Variants in NAALADL2 observed in about 807,000 individuals in gnomAD.
NAALADL2 encodes N-acetylated alpha-linked acidic dipeptidase like 2.
In NAALADL2, 76 loss-of-function variants were observed where a neutral mutation model predicts 87.2. That is an observed-to-expected ratio of 0.87 (90% CI 0.72 to 1.05). The LOEUF (loss-of-function observed/expected upper bound fraction) is 1.05. NAALADL2 is among the 50% of genes least tolerant of loss of function. The pLI, the probability that NAALADL2 is intolerant of heterozygous loss-of-function variation, is 0.00. For missense variants in NAALADL2, 1,089 were observed against 945.8 expected, an observed-to-expected ratio of 1.15 and a Z score of -1.99; for synonymous variants, 354 against 331.0, an observed-to-expected ratio of 1.07 and a Z score of -0.75.
intron 10 of NAALADL2, among the ~76,000 whole-genome samples, chr3:175,598,595 A>G (rs1582565482): frequency 6.6e-6 from 1 of 152,254 alleles, no homozygotes; most frequent in East Asian, 1.9e-4. Context: ...TAAGTGACAG[A>G]TCTGGGATAA....
chr3:175,262,991 A>G (rs954421588), intron 4 of NAALADL2, among the ~76,000 whole-genome samples: 23 of 132,004 alleles, frequency 1.7e-4, no homozygotes, highest in Non-Finnish European at 3.1e-4. Flanking sequence ...AATTCTCAGA[A>G]GTAATTGCAA....
chr3:175,530,260 A>C (rs766129549), intron 9 of NAALADL2, among the ~76,000 whole-genome samples: 1 of 152,210 alleles, frequency 6.6e-6, no homozygotes, highest in Admixed American at 6.5e-5. Flanking sequence ...GGATACAAAT[A>C]TCTTCACAGC....
chr3:175,362,688 G>T (rs1288208025), intron 5 of NAALADL2, among the ~76,000 whole-genome samples: 2 of 148,016 alleles, frequency 1.4e-5, no homozygotes, highest in Non-Finnish European at 3.0e-5. Flanking sequence ...TTTCCTATGG[G>T]TAGATACCCA....
intron 2 of NAALADL2, among the ~76,000 whole-genome samples, chr3:174,725,345 TTC>T (rs3041125): frequency 0.16 from 24,167 of 152,096 alleles, 2,343 homozygotes; most frequent in African/African-American, 0.27. Flanking sequence ...AATTATTTAA[TTC>T]TGTTTTAATT....
rs193106414 is a variant in NAALADL2, at chr3:175,482,678, C to G, written c.1653+10920C>G. Among the ~76,000 whole-genome samples the G allele has an allele frequency of 4.2e-3, 639 of 151,908 alleles. 3 individuals are homozygous for G. The highest frequency in any genetic ancestry group is 7.1e-3 in the Non-Finnish European group (485 of 67,872). The stretch of plus-strand genomic sequence containing the variant: ...AATTCATGTCTATGTTTTCTCTAAC[C>G]TACTAATTTTGTTGAGATTATCTCT... On this transcript the variant is annotated intron_variant, in intron 9 of 13. Coordinates refer to ENST00000454872, the MANE Select transcript of NAALADL2 (RefSeq NM_207015.3).
At chr3:174,988,861 T>C (rs1746333629) in intron 1 of NAALADL2, among the ~76,000 whole-genome samples, 1 of 152,192 alleles carries the variant, frequency 6.6e-6, no homozygotes, top group South Asian at 2.1e-4. Context: ...GCTTAGTCCA[T>C]TTGTGTTGCT....
At chr3:174,585,487 T>C (rs1473271849) in intron 2 of NAALADL2, among the ~76,000 whole-genome samples, 3 of 152,292 alleles carry the variant, frequency 2.0e-5, no homozygotes, top group South Asian at 2.1e-4. Context: ...CTGTAAGATA[T>C]CAAGGTTCAG....
intron 9 of NAALADL2, among the ~76,000 whole-genome samples, chr3:175,489,598 A>G (rs1438378017): frequency 6.6e-6 from 1 of 152,218 alleles, no homozygotes; most frequent in Admixed American, 6.5e-5. Flanking sequence ...ATGTCATAAG[A>G]AAGTAAAACT....
At chr3:175,597,957 T>C (rs1582562893) in intron 10 of NAALADL2, among the ~76,000 whole-genome samples, 1 of 152,030 alleles carries the variant, frequency 6.6e-6, no homozygotes, top group Admixed American at 6.6e-5. Context: ...ATTATCTCTA[T>C]TCTCTCCCTA....
chr3:174,895,288 G>T (rs1731371333), intron 1 of NAALADL2, among the ~76,000 whole-genome samples: 1 of 150,480 alleles, frequency 6.6e-6, no homozygotes, highest in African/African-American at 2.4e-5. Context: ...ATTTTAGCCA[G>T]ATTAAGAAAA....
rs1423709463 is a variant in NAALADL2 at position 174,504,227 on chromosome 3, A to G, written c.-183-46342A>G. Reference sequence around the variant, plus strand: ...TATTGTGAAGGCATCATAATATTCTATGGTAAAATAATATATAAATTTTTA... The same window carrying G: ...TATTGTGAAGGCATCATAATATTCTGTGGTAAAATAATATATAAATTTTTA... On this transcript the variant is annotated intron_variant, in intron 1 of 3. Transcript: ENST00000434257. Among the ~76,000 whole-genome samples the G allele has an allele frequency of 4.6e-5, 7 of 152,282 alleles. No individual in the cohort carries two copies. The East Asian group carries it at 1.3e-3, about 29-fold the overall frequency.
At chr3:174,849,790 C>T (rs34933378) in intron 3 of NAALADL2, among the ~76,000 whole-genome samples, 29,797 of 148,724 alleles carry the variant, frequency 0.2, 3,205 homozygotes, top group East Asian at 0.44. Flanking sequence ...CCTAGGCCTA[C>T]GCAGGGTTAG....
intron 4 of NAALADL2, among the ~76,000 whole-genome samples, chr3:175,314,128 G>C (rs1758738725): frequency 1.3e-5 from 2 of 149,384 alleles, no homozygotes; most frequent in African/African-American, 4.9e-5. Context: ...TACCTTCTCT[G>C]GCATTAATTT....
chr3:175,319,372 G>A (rs1402664099), intron 4 of NAALADL2, among the ~76,000 whole-genome samples: 1 of 152,094 alleles, frequency 6.6e-6, no homozygotes, highest in Non-Finnish European at 1.5e-5. Context: ...ATTTTTAAAG[G>A]ACTAGAAAAA....
chr3:175,726,809 A>G (rs1014940611), intron 11 of NAALADL2, among the ~76,000 whole-genome samples: 3 of 152,150 alleles, frequency 2.0e-5, no homozygotes, highest in African/African-American at 7.2e-5. Flanking sequence ...CCGAGAAACT[A>G]GAGAGGAAAT....
At chr3:175,362,479 T>A (rs114263828) in intron 5 of NAALADL2, among the ~76,000 whole-genome samples, 17,847 of 147,856 alleles carry the variant, frequency 0.12, 2,840 homozygotes, top group Non-Finnish European at 0.18. Context: ...TTTCATGGTA[T>A]TGATTGTTCC....
chr3:175,514,491 A>G (rs1458448395), intron 9 of NAALADL2, among the ~76,000 whole-genome samples: 1 of 152,206 alleles, frequency 6.6e-6, no homozygotes, highest in Non-Finnish European at 1.5e-5. Flanking sequence ...TTCTGCATTA[A>G]TCACTACAGT....
chr3:175,513,708 T>C (rs1263421448), intron 9 of NAALADL2, among the ~76,000 whole-genome samples: 1 of 152,230 alleles, frequency 6.6e-6, no homozygotes. Context: ...GTCTAAGGGA[T>C]GCCAATGTCA....
intron 12 of NAALADL2, among the ~76,000 whole-genome samples, chr3:175,745,239 C>A (rs989414879): frequency 2.6e-5 from 4 of 152,126 alleles, no homozygotes; most frequent in African/African-American, 4.8e-5. Context: ...GACTGAGTAA[C>A]CTTGGCTCTT....
Sources: allele counts gnomAD v4.1 joint callset (sites outside exome capture counted in the v4.1 genomes callset), GRCh38; gene constraint gnomAD v4.1.1; transcripts MANE v1.5; gene names NCBI Gene and HGNC (gene_info 2026-07-23, HGNC 2026-07-21).